Variants in ANKRD30A observed in about 807,000 individuals in gnomAD.
The protein encoded by ANKRD30A is ankyrin repeat domain 30A, also known as ankyrin repeat domain-containing protein 30A.
Under a neutral mutation model 166.3 loss-of-function variants are expected in ANKRD30A, and 170 were observed. That is an observed-to-expected ratio of 1.02 (90% CI 0.90 to 1.16). The LOEUF is 1.16. Ranked by LOEUF, ANKRD30A falls within the 50% of genes most tolerant of loss-of-function variation. The pLI, the probability that ANKRD30A is intolerant of heterozygous loss-of-function variation, is 0.00. For synonymous variants in ANKRD30A, 564 were observed against 508.9 expected, an observed-to-expected ratio of 1.11 and a Z score of -1.46; for missense variants, 1,630 against 1,518.0, an observed-to-expected ratio of 1.07 and a Z score of -1.23.
At chr10:37,263,156 A>C in the ANKRD30A span, among the ~76,000 whole-genome samples, 1,737 of 151,848 alleles carry the variant, frequency 0.011, 31 homozygotes, top group African/African-American at 0.04. Context: ...TTTGTTTCTC[A>C]TGAAGTGTCA....
chr10:37,195,700 C>T (rs1841024514), intron 27 of ANKRD30A, among the ~76,000 whole-genome samples: 1 of 152,170 alleles, frequency 6.6e-6, no homozygotes, highest in Non-Finnish European at 1.5e-5. Context: ...CGAGACCATC[C>T]TGACTAACAC....
chr10:37,229,840 G>A (rs1376327572), intron 34 of ANKRD30A, among the ~76,000 whole-genome samples: 1 of 151,774 alleles, frequency 6.6e-6, no homozygotes, highest in African/African-American at 2.4e-5. Flanking sequence ...ATATATGTAT[G>A]TATGGGTTAC....
chr10:37,141,209 G>T (rs2132531137), intron 6 of ANKRD30A, among the ~76,000 whole-genome samples: 1 of 152,076 alleles, frequency 6.6e-6, no homozygotes. Flanking sequence ...TACTTATTAT[G>T]TCATGTCGTT....
intron 30 of ANKRD30A, 146 bp from the exon 31 acceptor site, chr10:37,201,089 T>G (rs1276178154): frequency 8.5e-6 from 4 of 468,662 alleles, no homozygotes; most frequent in Non-Finnish European, 1.4e-5. Context: ...TATTAAAATG[T>G]TTTTTTTTAT....
At chr10:37,127,554 A>G (rs1836128394) in intron 1 of ANKRD30A, among the ~76,000 whole-genome samples, 1 of 152,172 alleles carries the variant, frequency 6.6e-6, no homozygotes, top group Non-Finnish European at 1.5e-5. Flanking sequence ...TCTTCGCTTT[A>G]TAGAGAATTC....
chr10:37,143,795 T>G (rs1837322239), intron 7 of ANKRD30A, among the ~76,000 whole-genome samples: 2 of 151,692 alleles, frequency 1.3e-5, no homozygotes, highest in Non-Finnish European at 2.9e-5. Flanking sequence ...AAAAGCCATT[T>G]GGTAAGCTGA....
intron 21 of ANKRD30A, among the ~76,000 whole-genome samples, chr10:37,171,713 A>C (rs1839577399): frequency 6.6e-6 from 1 of 151,218 alleles, no homozygotes; most frequent in South Asian, 2.1e-4. Flanking sequence ...TTTTTTAAAA[A>C]GATATAAATC....
rs1232137543 is a variant in ANKRD30A at position 37,146,619 on chromosome 10, T to C, written c.1456-751T>C. On this transcript the variant is annotated intron_variant, in intron 8 of 35. Transcript: ENST00000361713. ...ACTCCCTGTTGAGTTCTGTAAACAG[T>C]TGTGACTATGGCCCTGATCAGCTAG... 6.6e-5 allele frequency among the ~76,000 whole-genome samples: 10 copies of C among 152,282 alleles called. No homozygotes were observed. The East Asian group carries it at 1.7e-3, about 26-fold the overall frequency.
chr10:37,220,816 G>T (rs2132747848), intron 34 of ANKRD30A, among the ~76,000 whole-genome samples: 1 of 151,228 alleles, frequency 6.6e-6, no homozygotes. Context: ...AGTGAGTAGA[G>T]AAGAGAAACA....
chr10:37,255,075 G>T, the ANKRD30A span, among the ~76,000 whole-genome samples: 1 of 151,950 alleles, frequency 6.6e-6, no homozygotes, highest in Non-Finnish European at 1.5e-5. Flanking sequence ...TGTGCTTTTG[G>T]TGCCATATCT....
At chr10:37,201,194 A>T in intron 30 of ANKRD30A, 41 bp from the exon 31 acceptor site, 1 of 1,415,738 alleles carries the variant, frequency 7.1e-7, no homozygotes, top group Non-Finnish European at 9.5e-7. Context: ...CATTATTAGG[A>T]TTTTTCCATT....
intron 12 of ANKRD30A, among the ~76,000 whole-genome samples, chr10:37,152,956 ATT>A (rs1036484131): frequency 3.9e-5 from 6 of 152,030 alleles, no homozygotes; most frequent in African/African-American, 1.4e-4. Context: ...ATGTGACGTA[ATT>A]TTTTTCTTAC....
rs776556652 is a variant in ANKRD30A at position 37,199,797 on chromosome 10, T to G, written c.2778+9T>G. 1.1e-5 allele frequency: 16 copies of G among 1,519,828 alleles called. No individual in the cohort carries two copies. Among genetic ancestry groups the G allele is most frequent in the Non-Finnish European group, 1.4e-5 (16 of 1,111,992 alleles). 94.1% of individuals were successfully genotyped at this position (1,519,828 alleles called of 1,614,324 possible). A position where few individuals can be genotyped will look rare whatever the true frequency, so the allele number is the denominator to read the frequency against. On this transcript the variant is annotated intron_variant, in intron 30 of 35. Coordinates refer to ENST00000361713, the MANE Select transcript of ANKRD30A (RefSeq NM_052997.3). ...ATTCTTGGGATTCTGAGGTACTATGTGTTATTGATTTTTTTAAATATTAGT... is the reference window on the plus strand; with the variant it reads ...ATTCTTGGGATTCTGAGGTACTATGGGTTATTGATTTTTTTAAATATTAGT...
In ANKRD30A at chr10:37,141,722, A is replaced by C; in HGVS notation, c.825A>C (p.Gly275=). 1.2e-6 allele frequency: 2 copies of C among 1,611,894 alleles called. No homozygotes were observed. The highest frequency in any genetic ancestry group is 1.7e-6 in the Non-Finnish European group (2 of 1,179,840). ...SKNHQNTNPE[G]TSAGTPDEAA... ...ACCAGATTGTGTGTTTGGCAGAAGGAACATCTGCAGGAACACCTGATGAGG... is the reference window on the plus strand; with the variant it reads ...ACCAGATTGTGTGTTTGGCAGAAGGCACATCTGCAGGAACACCTGATGAGG... Residue 275 remains glycine, a synonymous_variant, in exon 7 of 36, where the codon GGA becomes GGC. Coordinates refer to ENST00000361713, the MANE Select transcript of ANKRD30A (RefSeq NM_052997.3).
the ANKRD30A span, among the ~76,000 whole-genome samples, chr10:37,252,664 T>G: frequency 1.3e-5 from 2 of 152,048 alleles, no homozygotes; most frequent in Admixed American, 1.3e-4. Context: ...GAATATAAAC[T>G]CGTTTATAAA....
chr10:37,260,934 A>C, the ANKRD30A span, among the ~76,000 whole-genome samples: 2 of 152,180 alleles, frequency 1.3e-5, no homozygotes, highest in African/African-American at 4.8e-5. Flanking sequence ...AAAACTACCA[A>C]TTGTGTGCTA....
At chr10:37,183,424 T>A (rs1306028943) in intron 24 of ANKRD30A, among the ~76,000 whole-genome samples, 1 of 146,574 alleles carries the variant, frequency 6.8e-6, no homozygotes, top group African/African-American at 2.5e-5. Context: ...TGCATAAGGT[T>A]TTAAAGTGCC....
rs921397779 is a variant in ANKRD30A at position 37,219,656 on chromosome 10, A to G, written c.3944A>G (p.Gln1315Arg). 2 of 1,609,982 alleles carry G rather than the reference A, an allele frequency of 1.2e-6. No homozygotes were observed. Among genetic ancestry groups the G allele is most frequent in the Admixed American group, 3.4e-5 (2 of 59,594 alleles). ...GATAATGTGAACAAACACACTGAAC[A>G]GCAGGAGTCTCTAGATCAGAAATTA... ...EQDNVNKHTE[Q>R]QESLDQKLFQ... The change falls in exon 34 of 36, where the codon CAG becomes CGG. Residue 1315 changes from glutamine (Q) to arginine (R), a missense_variant. Physicochemically the swap from Gln to Arg is conservative, Grantham distance 43. Around this residue, in one of 4 missense-constraint regions of ANKRD30A, gnomAD observed 712 missense variants for 629.3 expected, o/e 1.13. Coordinates refer to ENST00000361713, the MANE Select transcript of ANKRD30A (RefSeq NM_052997.3).
the ANKRD30A span, among the ~76,000 whole-genome samples, chr10:37,256,863 G>A: frequency 1.3e-5 from 2 of 152,096 alleles, no homozygotes; most frequent in Non-Finnish European, 2.9e-5. Context: ...TTCTTTTTTT[G>A]TTGTGTCTCT....
Sources: allele counts gnomAD v4.1 joint callset (sites outside exome capture counted in the v4.1 genomes callset), GRCh38; gene constraint gnomAD v4.1.1; regional missense constraint gnomAD v4.1.1; transcripts MANE v1.5; gene names NCBI Gene and HGNC (gene_info 2026-07-23, HGNC 2026-07-21).